The following EPG5 variants were observed in gnomAD, a reference collection of about 807,000 sequenced individuals.
EPG5 encodes the protein ectopic P-granules 5 autophagy tethering factor.
Under a neutral mutation model 302.7 loss-of-function variants are expected in EPG5, and 159 were observed. That is an observed-to-expected ratio of 0.53 (90% confidence interval 0.46 to 0.60). The LOEUF (loss-of-function observed/expected upper bound fraction) is 0.60, where lower values mean the gene tolerates loss of function less well. Ranked by LOEUF, EPG5 falls within the 20% of genes least tolerant of loss-of-function variation. EPG5 has a pLI of 0.00. For synonymous variants in EPG5, 1,158 were observed against 1,136.8 expected (o/e 1.02, Z -0.37); for missense variants, 2,896 against 3,092.4 (o/e 0.94, Z 1.51).
intron 4 of EPG5, among the ~76,000 whole-genome samples, chr18:45,949,848 C>T (rs1324932703): frequency 6.6e-6 from 1 of 152,168 alleles, no homozygotes; most frequent in Non-Finnish European, 1.5e-5. Flanking sequence ...ATTTCCTGGC[C>T]ACAAGTGAAT....
At chr18:45,831,047 T>C in the EPG5 span, among the ~76,000 whole-genome samples, 1 of 152,228 alleles carries the variant, frequency 6.6e-6, no homozygotes, top group Non-Finnish European at 1.5e-5. Flanking sequence ...GCCAGAGAGC[T>C]ATGGCAACTT....
rs79132795 is a variant in EPG5 at position 45,967,305 on chromosome 18, G to A, written c.-66C>T. 5,385 of 1,437,752 alleles carry A rather than the reference G, an allele frequency of 3.7e-3. 23 individuals are homozygous for A. Among genetic ancestry groups the A allele is most frequent in the Non-Finnish European group, 4.4e-3 (4,674 of 1,073,828 alleles). The allele number at this position is 1,437,752 out of a possible 1,614,324, so 89.1% of individuals were successfully genotyped here. A position where few individuals can be genotyped will look rare whatever the true frequency, so the allele number is the denominator to read the frequency against. ...CCCCTGCGCTTCAAGCAACCTGCCC[G>A]GTTCTGGCCTCCGGACTGTCACATG... is the stretch of plus-strand genomic sequence containing the variant. On this transcript the variant is annotated 5_prime_UTR_variant, in exon 1 of 44. Transcript: ENST00000282041.
chr18:45,961,815 G>A (rs1255302511), intron 1 of EPG5, among the ~76,000 whole-genome samples: 4 of 145,354 alleles, frequency 2.8e-5, no homozygotes, highest in Non-Finnish European at 5.9e-5. Flanking sequence ...CCAAGATCGC[G>A]CCACTGCACT....
intron 13 of EPG5, 74 bp downstream of exon 13, chr18:45,928,795 C>T (rs2050332540): frequency 2.1e-6 from 3 of 1,422,764 alleles, no homozygotes; most frequent in Non-Finnish European, 2.9e-6. Flanking sequence ...TTCCCAAGAA[C>T]CTTCCTATTT....
At chr18:45,885,264 G>A (rs367909737) in intron 29 of EPG5, among the ~76,000 whole-genome samples, 2 of 152,142 alleles carry the variant, frequency 1.3e-5, no homozygotes. Flanking sequence ...GCTTGAACCC[G>A]GGAGGCAGTG....
intron 15 of EPG5, among the ~76,000 whole-genome samples, 166 bp from the exon 16 acceptor site, chr18:45,922,766 C>T (rs1004733242): frequency 2.0e-5 from 3 of 152,194 alleles, no homozygotes; most frequent in Admixed American, 2.0e-4. Flanking sequence ...CAATTTTTCA[C>T]TCGCAACTTG....
At chr18:45,933,788 A>G (rs902227761) in intron 11 of EPG5, among the ~76,000 whole-genome samples, 2 of 152,212 alleles carry the variant, frequency 1.3e-5, no homozygotes, top group African/African-American at 4.8e-5. Context: ...AGTGATACAG[A>G]CATTTAAAAA....
chr18:45,901,153 A>T lies in EPG5; in HGVS notation c.4489T>A (p.Leu1497Ile), dbSNP rs1317968076. 6.2e-7 allele frequency: 1 copy of T among 1,613,990 alleles called. No individual in the cohort carries two copies. The highest frequency in any genetic ancestry group is 8.5e-7 in the Non-Finnish European group (1 of 1,180,014). ...TDPLLAKERV[L>I]SNLRKHEAPQ... ...GCCTCATGCTTCCGCAAGTTACTTAAAACCCTTTCTTTAGCTGAAAGAAAA... is the reference window on the plus strand; with the variant it reads ...GCCTCATGCTTCCGCAAGTTACTTATAACCCTTTCTTTAGCTGAAAGAAAA... The change falls in exon 26 of 44, where the codon TTA becomes ATA. Residue 1497 changes from leucine to isoleucine, a missense_variant. By Grantham distance (5) the Leu-to-Ile change is conservative. This residue lies in a region of EPG5 where 790 missense variants were observed against 798.0 expected (regional missense o/e 0.99). Transcript: ENST00000282041.
At chr18:45,903,621 T>C (rs2049677081) in intron 25 of EPG5, among the ~76,000 whole-genome samples, 1 of 152,196 alleles carries the variant, frequency 6.6e-6, no homozygotes, top group South Asian at 2.1e-4. Context: ...TTTTGTGGCC[T>C]GATAGAAAAC....
At chr18:45,925,214 T>C (rs1264901948) in intron 14 of EPG5, among the ~76,000 whole-genome samples, 1 of 152,222 alleles carries the variant, frequency 6.6e-6, no homozygotes, top group Non-Finnish European at 1.5e-5. Context: ...CTCATGCCTG[T>C]AATTCCAGCA....
intron 1 of EPG5, among the ~76,000 whole-genome samples, chr18:45,956,471 T>C (rs986019339): frequency 2.6e-5 from 4 of 152,068 alleles, no homozygotes; most frequent in African/African-American, 9.7e-5. Flanking sequence ...ATTTTTTTTT[T>C]TTTGAGACGG....
Position 45,951,093 on chromosome 18 carries a change from T to A in EPG5, c.1389+9A>T, listed in dbSNP as rs1445660742. 1 of 1,563,804 alleles carries A rather than the reference T, an allele frequency of 6.4e-7. No individual in the cohort carries two copies. ...ACAAAGACTACTGTGTCTATCTCTG[T>A]CCCCTTACCAATTTCTGCAGCCAGA... On this transcript the variant is annotated intron_variant, in intron 4 of 43. Transcript: ENST00000282041.
At chr18:45,837,818 T>C in the EPG5 span, 1 of 1,533,870 alleles carries the variant, frequency 6.5e-7, no homozygotes, top group Admixed American at 1.9e-5. Flanking sequence ...CGACCGCCGC[T>C]ACTTCTGCCG....
At chr18:45,942,713 G>A (rs549296189) in intron 9 of EPG5, among the ~76,000 whole-genome samples, 1 of 152,326 alleles carries the variant, frequency 6.6e-6, no homozygotes, top group African/African-American at 2.4e-5. Flanking sequence ...GGGGAAGGAA[G>A]TTGAATAACA....
intron 25 of EPG5, among the ~76,000 whole-genome samples, chr18:45,903,730 T>C (rs563287041): frequency 2.0e-5 from 3 of 152,244 alleles, no homozygotes; most frequent in African/African-American, 7.2e-5. Context: ...ATGGTAAGGG[T>C]TCTAGGTACA....
At chr18:45,864,137 T>C (rs1006319963) in intron 39 of EPG5, among the ~76,000 whole-genome samples, 6 of 152,186 alleles carry the variant, frequency 3.9e-5, no homozygotes, top group Admixed American at 3.9e-4. Context: ...GGGGTCTCAC[T>C]ATTTTGCCCA....
chr18:45,923,167 T>C, intron 15 of EPG5, 101 bp downstream of exon 15: 1 of 1,278,952 alleles, frequency 7.8e-7, no homozygotes, highest in Non-Finnish European at 1.1e-6. Flanking sequence ...GAAATGTTCT[T>C]AGGATACCTA....
In EPG5 at chr18:45,890,498, G is replaced by T. The variant is rs74746316; in HGVS notation, c.4810-558C>A. Among the ~76,000 whole-genome samples, 920 of 152,178 alleles carry T rather than the reference G, an allele frequency of 6.0e-3. 13 individuals carry two copies. The highest frequency in any genetic ancestry group is 6.8e-3 in the South Asian group (33 of 4,828). On this transcript the variant is annotated intron_variant, in intron 27 of 43. Coordinates refer to ENST00000282041, the MANE Select transcript of EPG5 (RefSeq NM_020964.3). Reference sequence around the variant, plus strand: ...CTAATTCCTAAATTCACCAATTTAGGTTCCTAGAAGCTGGTCTTTGATAAA... The same window carrying T: ...CTAATTCCTAAATTCACCAATTTAGTTTCCTAGAAGCTGGTCTTTGATAAA...
At chr18:45,958,281 C>G (rs1013587742) in intron 1 of EPG5, among the ~76,000 whole-genome samples, 1 of 152,118 alleles carries the variant, frequency 6.6e-6, no homozygotes, top group African/African-American at 2.4e-5. Context: ...CTACACAATG[C>G]CTTGCAAAAT....
Sources: allele counts gnomAD v4.1 joint callset (sites outside exome capture counted in the v4.1 genomes callset), GRCh38; gene constraint gnomAD v4.1.1; regional missense constraint gnomAD v4.1.1; transcripts MANE v1.5; gene names NCBI Gene and HGNC (gene_info 2026-07-23, HGNC 2026-07-21).